Variants in EPHX2 observed in about 807,000 individuals in gnomAD.
EPHX2 encodes the protein bifunctional epoxide hydrolase 2.
Under a neutral mutation model 78.7 loss-of-function variants are expected in EPHX2, and 74 were observed. The observed-to-expected ratio is 0.94, with a 90% confidence interval of 0.78 to 1.14. The LOEUF (loss-of-function observed/expected upper bound fraction) is 1.14, where lower values mean the gene tolerates loss of function less well. Among genes scored for constraint, EPHX2 ranks in the 50% most tolerant of loss-of-function variants. The pLI is 0.00. For missense variants in EPHX2, 715 were observed against 702.5 expected, an observed-to-expected ratio of 1.02 and a Z score of -0.20; for synonymous variants, 251 against 255.2, an observed-to-expected ratio of 0.98 and a Z score of 0.16.
chr8:27,544,175 T>C lies in EPHX2; in HGVS notation c.1531-11T>C, dbSNP rs1317417665. On this transcript the variant is annotated splice_polypyrimidine_tract_variant and intron_variant, in intron 17 of 18. Transcript: ENST00000521400. Reference sequence around the variant, plus strand: ...CTTCCATTTACCTTTCTGCCTGGGGTTTCCTTTCAGATTCCCCACCTGAAA... The same window carrying C: ...CTTCCATTTACCTTTCTGCCTGGGGCTTCCTTTCAGATTCCCCACCTGAAA... 2 of 1,614,066 alleles carry C rather than the reference T, an allele frequency of 1.2e-6. No homozygotes were observed. Among genetic ancestry groups the C allele is most frequent in the South Asian group, 2.2e-5 (2 of 91,070 alleles).
At chr8:27,493,872 A>G (rs1379420783) in intron 1 of EPHX2, among the ~76,000 whole-genome samples, 1 of 152,220 alleles carries the variant, frequency 6.6e-6, no homozygotes, top group Non-Finnish European at 1.5e-5. Context: ...TGTTGGGAGC[A>G]GACTGAGTGG....
At chr8:27,543,858 T>C in intron 17 of EPHX2, 29 bp downstream of exon 17, 1 of 1,612,838 alleles carries the variant, frequency 6.2e-7, no homozygotes. Flanking sequence ...ACAAGGGTCA[T>C]CAGTGCACCC....
At chr8:27,541,394 A>G in intron 15 of EPHX2, 79 bp from the exon 16 acceptor site, 1 of 1,436,564 alleles carries the variant, frequency 7.0e-7, no homozygotes, top group Non-Finnish European at 9.8e-7. Flanking sequence ...CTGGCTGTGC[A>G]GAGCAGGTTT....
rs765658239 is a variant in EPHX2, at chr8:27,501,387, C to CT, written c.186+379dup. ...TCTTCTTCTTCTTCTTCTTCTTCTTCTTCTTCTTTCTTCTTTCTTCTTTCT... is the reference window on the plus strand; with the variant it reads ...TCTTCTTCTTCTTCTTCTTCTTCTTCTTTCTTCTTTCTTCTTTCTTCTTTCT... On this transcript the variant is annotated intron_variant, in intron 2 of 18. Transcript: ENST00000521400. 6.9e-3 allele frequency among the ~76,000 whole-genome samples: 463 copies of CT among 67,438 alleles called. 1 individual carries two copies. The highest frequency in any genetic ancestry group is 6.9e-3 in the Non-Finnish European group (226 of 32,900). The allele number at this position is 67,438 out of a possible 152,430, so 44.2% of individuals were successfully genotyped here.
chr8:27,535,237 TGAG>T (rs1216247429), intron 12 of EPHX2, among the ~76,000 whole-genome samples: 1 of 152,136 alleles, frequency 6.6e-6, no homozygotes, highest in Non-Finnish European at 1.5e-5. Flanking sequence ...AGTGCAATTG[TGAG>T]ATCTTGGCTT....
At chr8:27,492,971 C>T (rs2132702225) in intron 1 of EPHX2, 1 of 154,474 alleles carries the variant, frequency 6.5e-6, no homozygotes, top group South Asian at 1.9e-4. Flanking sequence ...AAGAAGGGGC[C>T]CTGCCGTTGT....
Position 27,544,974 on chromosome 8 carries a change from C to T in EPHX2, c.*452C>T, listed in dbSNP as rs774616685. On this transcript the variant is annotated 3_prime_UTR_variant, in exon 19 of 19. Coordinates refer to ENST00000521400, the MANE Select transcript of EPHX2 (RefSeq NM_001979.6). ...GGAGTGACTGTTCACGGAGAATGCA[C>T]GGCATGGGGATGAACCCTTTCCCTC... 43 of 189,514 alleles carry T rather than the reference C, an allele frequency of 2.3e-4. No individual in the cohort carries two copies. The highest frequency in any genetic ancestry group is 4.2e-4 in the Non-Finnish European group (38 of 90,598). 11.7% of individuals were successfully genotyped at this position (189,514 alleles called of 1,614,324 possible). A position where few individuals can be genotyped will look rare whatever the true frequency, so the allele number is the denominator to read the frequency against.
downstream of EPHX2, among the ~76,000 whole-genome samples, chr8:27,546,729 C>T (rs72478918): frequency 6.6e-6 from 1 of 152,208 alleles, no homozygotes; most frequent in Non-Finnish European, 1.5e-5. Context: ...GCTCCTTTGG[C>T]AAGTAAGAGT....
chr8:27,547,409 A>G (rs1465673447), downstream of EPHX2, among the ~76,000 whole-genome samples: 1 of 152,156 alleles, frequency 6.6e-6, no homozygotes, highest in East Asian at 1.9e-4. Context: ...TTAATTATAA[A>G]ATGCTATATT....
chr8:27,509,139 C>T (rs1028991751), intron 5 of EPHX2, among the ~76,000 whole-genome samples: 1 of 152,062 alleles, frequency 6.6e-6, no homozygotes, highest in Admixed American at 6.6e-5. Context: ...CTTTTTGTAA[C>T]TGGCTTATTT....
chr8:27,521,681 G>A (rs1402174775), intron 10 of EPHX2, among the ~76,000 whole-genome samples: 1 of 152,206 alleles, frequency 6.6e-6, no homozygotes, highest in East Asian at 1.9e-4. Context: ...TGTGTGTGAT[G>A]GGGACAGGGA....
intron 6 of EPHX2, among the ~76,000 whole-genome samples, chr8:27,512,849 A>G (rs1814304416): frequency 6.6e-6 from 1 of 152,148 alleles, no homozygotes; most frequent in African/African-American, 2.4e-5. Flanking sequence ...TGACAATAAT[A>G]TCTCTCCATG....
At chr8:27,545,713 C>T (rs59379971), downstream of EPHX2, 4,777 of 152,330 alleles carry the variant, frequency 0.031, 230 homozygotes, top group African/African-American at 0.11. Flanking sequence ...GCATGGTTAT[C>T]GGGCTCACAG....
chr8:27,511,851 G>C lies in EPHX2; in HGVS notation c.676G>C (p.Ala226Pro). Reference protein sequence around the residue: ...VTGIQLLNTPAPLPTSCNPSD... With the variant: ...VTGIQLLNTPPPLPTSCNPSD... The stretch of plus-strand genomic sequence containing the variant: ...CTGCTTACAGCTTCTCAATACCCCG[G>C]CCCCTCTGCCGACCTCTTGCAATCC... The change falls in exon 6 of 19, where the codon GCC becomes CCC. Residue 226 changes from alanine to proline, a missense_variant. Transcript: ENST00000521400. 2 of 1,614,102 alleles carry C rather than the reference G, an allele frequency of 1.2e-6. No homozygotes were observed. The highest frequency in any genetic ancestry group is 1.7e-6 in the Non-Finnish European group (2 of 1,179,998).
intron 10 of EPHX2, 76 bp downstream of exon 10, chr8:27,520,985 T>C (rs1348729530): frequency 6.3e-6 from 10 of 1,594,838 alleles, no homozygotes; most frequent in Non-Finnish European, 8.6e-6. Flanking sequence ...GGCGTCAGCC[T>C]CGAGCAGAGG....
chr8:27,543,195 C>T (rs1373999532), intron 16 of EPHX2, among the ~76,000 whole-genome samples: 2 of 151,832 alleles, frequency 1.3e-5, no homozygotes, highest in African/African-American at 2.4e-5. Flanking sequence ...AAATAGTGCA[C>T]GTTCCTCAAC....
chr8:27,492,329 C>T (rs182544041), intron 1 of EPHX2, among the ~76,000 whole-genome samples: 1 of 152,294 alleles, frequency 6.6e-6, no homozygotes, highest in East Asian at 1.9e-4. Context: ...GGTGAAAGAG[C>T]AAGACCCTGT....
At chr8:27,547,142 T>G (rs1225189389), downstream of EPHX2, among the ~76,000 whole-genome samples, 1 of 152,132 alleles carries the variant, frequency 6.6e-6, no homozygotes, top group Non-Finnish European at 1.5e-5. Context: ...TGGATTACAA[T>G]TTGACGTGAG....
rs1815539711 is a variant in EPHX2, at chr8:27,544,950, G to T, written c.*428G>T. On this transcript the variant is annotated 3_prime_UTR_variant, in exon 19 of 19. Transcript: ENST00000521400. ...GGCTGTCTTTGTTCTTGGAGAGGTG[G>T]AGTGACTGTTCACGGAGAATGCACG... 5.0e-6 allele frequency: 1 copy of T among 200,158 alleles called. No individual in the cohort carries two copies. Among genetic ancestry groups the T allele is most frequent in the East Asian group, 1.3e-4 (1 of 7,714 alleles). The allele number at this position is 200,158 out of a possible 1,614,324, so 12.4% of individuals were successfully genotyped here.
Sources: allele counts gnomAD v4.1 joint callset (sites outside exome capture counted in the v4.1 genomes callset), GRCh38; gene constraint gnomAD v4.1.1; transcripts MANE v1.5; gene names NCBI Gene and HGNC (gene_info 2026-07-23, HGNC 2026-07-21).